The following LNPEP variants were observed in gnomAD, a reference collection of about 807,000 sequenced individuals.
LNPEP encodes leucyl and cystinyl aminopeptidase, also known as leucyl-cystinyl aminopeptidase.
Under a neutral mutation model 120.6 loss-of-function variants are expected in LNPEP, and 64 were observed. That is an observed-to-expected ratio of 0.53 (90% CI 0.43 to 0.65). The LOEUF is 0.65. Ranked by LOEUF, LNPEP falls within the 30% of genes least tolerant of loss-of-function variation. The pLI is 0.00. For synonymous variants in LNPEP, 435 were observed against 425.4 expected, an observed-to-expected ratio of 1.02 and a Z score of -0.28; for missense variants, 1,057 against 1,200.0, an observed-to-expected ratio of 0.88 and a Z score of 1.76.
chr5:96,972,023 A>G (rs1554067410), intron 1 of LNPEP, among the ~76,000 whole-genome samples: 1 of 151,932 alleles, frequency 6.6e-6, no homozygotes, highest in Non-Finnish European at 1.5e-5. Flanking sequence ...ATGTCTAGTA[A>G]TTTTTTATTA....
At chr5:96,975,312 G>C (rs1248100908) in intron 1 of LNPEP, among the ~76,000 whole-genome samples, 1 of 152,090 alleles carries the variant, frequency 6.6e-6, no homozygotes, top group African/African-American at 2.4e-5. Context: ...AAATGTGAAA[G>C]ACTATATTCT....
chr5:96,978,381 T>G (rs1790050124), intron 1 of LNPEP, among the ~76,000 whole-genome samples: 1 of 152,200 alleles, frequency 6.6e-6, no homozygotes, highest in Admixed American at 6.5e-5. Flanking sequence ...CTGAAAGCCA[T>G]GGAAGCATGA....
Position 97,014,990 on chromosome 5 carries a change from A to G in LNPEP, c.2271A>G (p.Gly757=). The change falls in exon 13 of 18, where the codon GGA becomes GGG. Residue 757 remains glycine, a synonymous_variant. Coordinates refer to ENST00000231368, the MANE Select transcript of LNPEP (RefSeq NM_005575.3). ...KRAFDLINYL[G]NENHTAPITE... ...CCTTTGATTTGATTAATTATCTTGG[A>G]AATGAGAACCATACTGCACCCATCA... is the stretch of plus-strand genomic sequence containing the variant. 6.3e-7 allele frequency: 1 copy of G among 1,590,320 alleles called. No individual in the cohort carries two copies.
chr5:96,942,543 A>C (rs1464092754), intron 1 of LNPEP, among the ~76,000 whole-genome samples: 2 of 150,994 alleles, frequency 1.3e-5, no homozygotes, highest in East Asian at 3.9e-4. Context: ...AATCCCAGCT[A>C]CTCGGGAGGC....
intron 1 of LNPEP, among the ~76,000 whole-genome samples, chr5:96,961,891 T>C (rs1291240377): frequency 6.6e-6 from 1 of 152,178 alleles, no homozygotes; most frequent in Non-Finnish European, 1.5e-5. Context: ...GATAATTTCA[T>C]AATTTTAATG....
rs1582006347 is a variant in LNPEP, at chr5:96,987,451, G to T, written c.1131+781G>T. ...TTTCGTATTTTTGAGCTCTACCAGG[G>T]AATATACTGCTAGTTTTGGGTTTCC... On this transcript the variant is annotated intron_variant, in intron 4 of 17. Transcript: ENST00000231368. Among the ~76,000 whole-genome samples, 3 of 152,200 alleles carry T rather than the reference G, an allele frequency of 2.0e-5. No homozygotes were observed. The South Asian group carries it at 6.2e-4, about 32-fold the overall frequency.
chr5:96,998,617 C>G (rs1272644770), intron 8 of LNPEP, among the ~76,000 whole-genome samples: 1 of 152,138 alleles, frequency 6.6e-6, no homozygotes, highest in East Asian at 1.9e-4. Context: ...ATGTTAAACC[C>G]CATTCGGATC....
chr5:97,003,996 G>A (rs2112643128), intron 9 of LNPEP, among the ~76,000 whole-genome samples: 1 of 152,216 alleles, frequency 6.6e-6, no homozygotes, highest in African/African-American at 2.4e-5. Flanking sequence ...CTCCAGAGTA[G>A]ATGATACATC....
intron 10 of LNPEP, 75 bp downstream of exon 10, chr5:97,006,308 A>T: frequency 4.3e-6 from 6 of 1,397,720 alleles, no homozygotes; most frequent in Non-Finnish European, 6.0e-6. Flanking sequence ...TTTTATAATC[A>T]TAAGTTCTTG....
chr5:96,985,098 G>A lies in LNPEP; in HGVS notation c.879G>A (p.Gln293=), dbSNP rs1020091195. ...SNEKKYFAAT[Q]FEPLAARSAF... ...GTTTTAGGTACTTTGCAGCAACTCA[G>A]TTTGAACCCCTGGCAGCAAGATCTG... The change falls in exon 3 of 18, where the codon CAG becomes CAA. Residue 293 remains glutamine (Q), a synonymous_variant. Transcript: ENST00000231368. 3.1e-6 allele frequency: 5 copies of A among 1,613,982 alleles called. No individual in the cohort carries two copies. The highest frequency in any genetic ancestry group is 2.5e-6 in the Non-Finnish European group (3 of 1,179,894).
chr5:96,993,496 T>G (rs964749277), intron 5 of LNPEP, among the ~76,000 whole-genome samples: 1 of 152,216 alleles, frequency 6.6e-6, no homozygotes, highest in Non-Finnish European at 1.5e-5. Context: ...CTGTTCAACA[T>G]GGAGCTAGTC....
At chr5:96,969,887 T>A (rs771696549) in intron 1 of LNPEP, among the ~76,000 whole-genome samples, 5 of 151,632 alleles carry the variant, frequency 3.3e-5, no homozygotes, top group Admixed American at 6.6e-5. Flanking sequence ...ATATTATGTT[T>A]TTATTATTAT....
At position 97,026,544 on chromosome 5, in the gene LNPEP, A is replaced by C. The variant is rs918696701; in HGVS notation, c.2724-73A>C. ...CAGCTTTAATTAGGAAACCATACTA[A>C]TTTTAATTTAAGTTCAGTCATCACT... On this transcript the variant is annotated intron_variant, in intron 15 of 17. Coordinates refer to ENST00000231368, the MANE Select transcript of LNPEP (RefSeq NM_005575.3). The C allele has an allele frequency of 2.4e-6, 3 of 1,228,764 alleles. No homozygotes were observed. The African/African-American group carries it at 4.5e-5, about 19-fold the overall frequency. The allele number at this position is 1,228,764 out of a possible 1,614,324, so 76.1% of individuals were successfully genotyped here.
At chr5:96,991,057 C>A (rs1408791528) in intron 4 of LNPEP, among the ~76,000 whole-genome samples, 1 of 152,104 alleles carries the variant, frequency 6.6e-6, no homozygotes, top group East Asian at 1.9e-4. Flanking sequence ...TCCCTCACTC[C>A]CCTCCCACCC....
Position 97,033,996 on chromosome 5 carries a change from A to G in LNPEP, c.*5463A>G, listed in dbSNP as rs547508910. 1.6e-4 allele frequency: 24 copies of G among 152,130 alleles called. No individual in the cohort carries two copies. The highest frequency in any genetic ancestry group is 5.3e-4 in the African/African-American group (22 of 41,486). The allele number at this position is 152,130 out of a possible 1,614,324, so 9.4% of individuals were successfully genotyped here. A position where few individuals can be genotyped will look rare whatever the true frequency, so the allele number is the denominator to read the frequency against. ...GAATATATCCTTTTTAAAAATGTAT[A>G]TATACTTTTCATTAACTATATTGTA... On this transcript the variant is annotated 3_prime_UTR_variant, in exon 18 of 18. Coordinates refer to ENST00000231368, the MANE Select transcript of LNPEP (RefSeq NM_005575.3).
Position 96,949,766 on chromosome 5 carries a change from G to A in LNPEP, c.19+13592G>A, listed in dbSNP as rs144873793. ...TTTTATATTTGCTACAATGGTTGGC[G>A]TCTAACATAGTGTTTTGTTGCACAC... On this transcript the variant is annotated intron_variant, in intron 1 of 17. Coordinates refer to ENST00000231368, the MANE Select transcript of LNPEP (RefSeq NM_005575.3). Among the ~76,000 whole-genome samples the A allele has an allele frequency of 8.0e-4, 122 of 152,282 alleles. 2 individuals carry two copies. The East Asian group carries it at 0.02, about 25-fold the overall frequency.
chr5:96,936,398 C>T, intron 1 of LNPEP: 1 of 408,328 alleles, frequency 2.4e-6, no homozygotes, highest in Non-Finnish European at 4.3e-6. Flanking sequence ...TCAGCGCCGC[C>T]GCCGCTCGCC....
At chr5:96,956,942 T>C (rs1362378669) in intron 1 of LNPEP, among the ~76,000 whole-genome samples, 1 of 152,218 alleles carries the variant, frequency 6.6e-6, no homozygotes, top group African/African-American at 2.4e-5. Context: ...CAGTGAATTT[T>C]TCTTTTAAGA....
Position 97,003,558 on chromosome 5 carries a change from G to T in LNPEP, c.1785+12G>T. On this transcript the variant is annotated intron_variant, in intron 9 of 17. Coordinates refer to ENST00000231368, the MANE Select transcript of LNPEP (RefSeq NM_005575.3). ...ATAGTTTTAATGAGGTAAGTGACCT[G>T]GGTAATTTATTTAGCTCTTACTGTA... 6.4e-7 allele frequency: 1 copy of T among 1,566,102 alleles called. No homozygotes were observed. Among genetic ancestry groups the T allele is most frequent in the Non-Finnish European group, 8.7e-7 (1 of 1,155,726 alleles).
Sources: allele counts gnomAD v4.1 joint callset (sites outside exome capture counted in the v4.1 genomes callset), GRCh38; gene constraint gnomAD v4.1.1; transcripts MANE v1.5; gene names NCBI Gene and HGNC (gene_info 2026-07-23, HGNC 2026-07-21).